GOLGA7B: variants seen among roughly 807,000 people sequenced by gnomAD.
GOLGA7B encodes the protein golgin A7 family member B.
GOLGA7B carries 17 observed loss-of-function variants against 21.5 expected under a neutral mutation model. The observed-to-expected ratio is 0.79, with a 90% CI of 0.54 to 1.19. The LOEUF is 1.19. Among genes scored for constraint, GOLGA7B ranks in the 50% most tolerant of loss-of-function variants. The probability of loss-of-function intolerance (pLI) is 0.00; values close to 1 mark genes in which losing one functional copy is unlikely to be tolerated. For missense variants in GOLGA7B, 169 were observed against 224.4 expected (o/e 0.75, Z 1.58); for synonymous variants, 87 against 84.0 (o/e 1.04, Z -0.19).
intron 1 of GOLGA7B, among the ~76,000 whole-genome samples, chr10:97,855,761 A>G (rs1265212845): frequency 6.6e-6 from 1 of 152,216 alleles, no homozygotes; most frequent in African/African-American, 2.4e-5. Context: ...TATTTATATT[A>G]CCAAAGCATT....
Position 97,864,196 on chromosome 10 carries a change from A to G in GOLGA7B, c.320A>G (p.Gln107Arg), listed in dbSNP as rs941612201. 1.2e-5 allele frequency: 20 copies of G among 1,614,194 alleles called. No homozygotes were observed. Among genetic ancestry groups the G allele is most frequent in the Non-Finnish European group, 1.6e-5 (19 of 1,180,014 alleles). ...CTCAAGAAGATTTCCCGCTACATCC[A>G]GGAGCAGAATGAGAAGATCTTTGCA... ...KVLKKISRYI[Q>R]EQNEKIFAPR... Residue 107 changes from glutamine to arginine, a missense_variant, in exon 4 of 5, where the codon CAG becomes CGG. Physicochemically the swap from Gln to Arg is conservative, Grantham distance 43 (BLOSUM62 1). Coordinates refer to ENST00000370602, the MANE Select transcript of GOLGA7B (RefSeq NM_001010917.3).
chr10:97,859,435 A>G, intron 1 of GOLGA7B, 23 bp from the exon 2 acceptor site: 2 of 1,613,200 alleles, frequency 1.2e-6, no homozygotes, highest in Non-Finnish European at 8.5e-7. Context: ...CTCTCAGCAC[A>G]TGCCGCCCGC....
Position 97,850,074 on chromosome 10 carries a change from C to T in GOLGA7B, c.-230C>T, listed in dbSNP as rs1677118777. Among the ~76,000 whole-genome samples, 1 of 149,724 alleles carries T rather than the reference C, an allele frequency of 6.7e-6. No homozygotes were observed. Among genetic ancestry groups the T allele is most frequent in the Non-Finnish European group, 1.5e-5 (1 of 67,050 alleles). On this transcript the variant is annotated 5_prime_UTR_variant, in exon 1 of 5. Transcript: ENST00000370602. ...CTCGGGCGCGGCCTCGCCTCCCGGGCCCGGCGCCTGCCTCAGCACAGCGGA... is the reference window on the plus strand; with the variant it reads ...CTCGGGCGCGGCCTCGCCTCCCGGGTCCGGCGCCTGCCTCAGCACAGCGGA...
At chr10:97,850,466 G>A (rs1449189999) in intron 1 of GOLGA7B, 151 bp downstream of exon 1, 10 of 564,788 alleles carry the variant, frequency 1.8e-5, no homozygotes, top group Non-Finnish European at 2.9e-5. Context: ...TAGGGGCTTA[G>A]TGAGGGCTCA....
At position 97,865,832 on chromosome 10, in the gene GOLGA7B, G is replaced by A. The variant is rs538045743; in HGVS notation, c.*132G>A. 48 of 1,222,938 alleles carry A rather than the reference G, an allele frequency of 3.9e-5. 1 individual carries two copies. The African/African-American group carries it at 6.7e-4, about 17-fold the overall frequency. 75.8% of individuals were successfully genotyped at this position (1,222,938 alleles called of 1,614,324 possible). On this transcript the variant is annotated 3_prime_UTR_variant, in exon 5 of 5. Transcript: ENST00000370602. ...ACCCTGCTGCCCGGGGTGGGAGGGAGGGTGACGGGCCTCATATTTCCTGTG... is the reference window on the plus strand; with the variant it reads ...ACCCTGCTGCCCGGGGTGGGAGGGAAGGTGACGGGCCTCATATTTCCTGTG...
intron 4 of GOLGA7B, among the ~76,000 whole-genome samples, chr10:97,864,641 GC>G (rs2049999750): frequency 6.6e-6 from 1 of 152,134 alleles, no homozygotes; most frequent in African/African-American, 2.4e-5. Flanking sequence ...TTGCACCCAG[GC>G]TCACCCTTAA....
At chr10:97,853,237 C>T (rs886507827) in intron 1 of GOLGA7B, among the ~76,000 whole-genome samples, 1 of 152,196 alleles carries the variant, frequency 6.6e-6, no homozygotes, top group African/African-American at 2.4e-5. Flanking sequence ...ATCCTCACTC[C>T]TCCTTCACAC....
rs1204148166 is a variant in GOLGA7B, at chr10:97,871,112, TAGG to T, written c.*5417_*5419del. ...CGCATGAGCCTTCTCGGGCGACTTC[TAGG>T]AGGATTTATTCCCCTGGCAGTGCCA... On this transcript the variant is annotated 3_prime_UTR_variant, in exon 5 of 5. Coordinates refer to ENST00000370602, the MANE Select transcript of GOLGA7B (RefSeq NM_001010917.3). The T allele has an allele frequency of 1.3e-5, 2 of 152,200 alleles. No homozygotes were observed. The highest frequency in any genetic ancestry group is 2.9e-5 in the Non-Finnish European group (2 of 68,038). 9.4% of individuals were successfully genotyped at this position (152,200 alleles called of 1,614,324 possible). A position where few individuals can be genotyped will look rare whatever the true frequency, so the allele number is the denominator to read the frequency against.
At chr10:97,854,223 G>C (rs1381476226) in intron 1 of GOLGA7B, among the ~76,000 whole-genome samples, 1 of 152,206 alleles carries the variant, frequency 6.6e-6, no homozygotes, top group African/African-American at 2.4e-5. Context: ...AAAGCCTCTA[G>C]AATGTCAGAG....
rs2136520824 is a variant in GOLGA7B, at chr10:97,865,631, C to G, written c.435C>G (p.Ser145Arg). 5 of 1,612,858 alleles carry G rather than the reference C, an allele frequency of 3.1e-6. No individual in the cohort carries two copies. The highest frequency in any genetic ancestry group is 4.2e-6 in the Non-Finnish European group (5 of 1,179,588). ...SIYEDRCSSG[S>R]SSSGSSSGSG... ...ACGAGGACCGGTGCAGCAGTGGCAGCTCCAGCAGCGGCAGCAGCAGCGGCA... is the reference window on the plus strand; with the variant it reads ...ACGAGGACCGGTGCAGCAGTGGCAGGTCCAGCAGCGGCAGCAGCAGCGGCA... The change falls in exon 5 of 5, where the codon AGC becomes AGG. Residue 145 changes from serine (S) to arginine (R), a missense_variant. Ser to Arg is a moderately radical substitution (Grantham distance 110). Transcript: ENST00000370602.
chr10:97,851,456 G>C (rs988597230), intron 1 of GOLGA7B, among the ~76,000 whole-genome samples: 2 of 152,224 alleles, frequency 1.3e-5, no homozygotes, highest in African/African-American at 4.8e-5. Flanking sequence ...ATTCTGACAA[G>C]GCACAAGGTT....
In GOLGA7B at chr10:97,865,727, G is replaced by C. The variant is rs567071631; in HGVS notation, c.*27G>C. On this transcript the variant is annotated 3_prime_UTR_variant, in exon 5 of 5. Coordinates refer to ENST00000370602, the MANE Select transcript of GOLGA7B (RefSeq NM_001010917.3). ...TGGCCGAGAGTCCCTGTAGGGAGGT[G>C]TATGGCCGGAGTGAGGGCCTTGCAG... The C allele has an allele frequency of 3.5e-4, 553 of 1,560,772 alleles. 8 individuals carry two copies. The South Asian group carries it at 5.6e-3, about 16-fold the overall frequency.
chr10:97,860,057 T>C (rs899305111), intron 2 of GOLGA7B, among the ~76,000 whole-genome samples: 5 of 152,170 alleles, frequency 3.3e-5, no homozygotes, highest in Non-Finnish European at 7.3e-5. Flanking sequence ...TACATTAGAC[T>C]CTCTAGGGGT....
rs2050031652 is a variant in GOLGA7B, at chr10:97,866,783, AGT to A, written c.*1086_*1087del. The A allele has an allele frequency of 6.6e-6, 1 of 151,992 alleles. No homozygotes were observed. The highest frequency in any genetic ancestry group is 2.1e-4 in the South Asian group (1 of 4,800). The allele number at this position is 151,992 out of a possible 1,614,324, so 9.4% of individuals were successfully genotyped here. ...ATGTGTGCACAAGCATGTGTGTATG[AGT>A]GTTCATGTGTATGAGTGTGTGTGTA... On this transcript the variant is annotated 3_prime_UTR_variant, in exon 5 of 5. Transcript: ENST00000370602.
intron 1 of GOLGA7B, among the ~76,000 whole-genome samples, chr10:97,854,437 T>C (rs576228635): frequency 6.6e-6 from 1 of 152,338 alleles, no homozygotes; most frequent in African/African-American, 2.4e-5. Flanking sequence ...CAGGAGACCC[T>C]GCCTTGCCTT....
chr10:97,851,040 C>T (rs1034426330), intron 1 of GOLGA7B, among the ~76,000 whole-genome samples: 2 of 152,062 alleles, frequency 1.3e-5, no homozygotes, highest in African/African-American at 4.8e-5. Flanking sequence ...ATTCCCCCCT[C>T]TACCCCTAGG....
rs755401919 is a variant in GOLGA7B, at chr10:97,865,709, G to A, written c.*9G>A. 2 of 1,602,466 alleles carry A rather than the reference G, an allele frequency of 1.2e-6. No individual in the cohort carries two copies. The highest frequency in any genetic ancestry group is 2.2e-5 in the South Asian group (2 of 89,616). ...GGGCGGGGGCCCGGTGACTGGCCGA[G>A]AGTCCCTGTAGGGAGGTGTATGGCC... is the stretch of plus-strand genomic sequence containing the variant. On this transcript the variant is annotated 3_prime_UTR_variant, in exon 5 of 5. Transcript: ENST00000370602.
chr10:97,852,680 T>C (rs899240645), intron 1 of GOLGA7B, among the ~76,000 whole-genome samples: 1 of 150,640 alleles, frequency 6.6e-6, no homozygotes, highest in Non-Finnish European at 1.5e-5. Flanking sequence ...AGAAGCTGTA[T>C]TGAGAGAAGG....
intron 2 of GOLGA7B, among the ~76,000 whole-genome samples, chr10:97,861,050 A>G (rs1449805220): frequency 6.6e-6 from 1 of 152,228 alleles, no homozygotes; most frequent in African/African-American, 2.4e-5. Context: ...AACAATATCA[A>G]CAATACCTGG....
Sources: gnomAD v4.1 joint callset for allele counts (sites outside exome capture counted in the v4.1 genomes callset) on GRCh38, gnomAD v4.1.1 for gene constraint, MANE v1.5 for transcripts, NCBI Gene and HGNC (gene_info 2026-07-23, HGNC 2026-07-21) for gene names.